The following ZNF568 variants were observed in gnomAD, a reference collection of about 807,000 sequenced individuals.
ZNF568 encodes zinc finger protein 568.
In ZNF568, 11 loss-of-function variants were observed where a neutral mutation model predicts 18.1. The ratio of observed to expected loss-of-function variants is 0.61; its 90% CI spans 0.38 to 1.00. The LOEUF is 1.00. ZNF568 is among the 50% of genes least tolerant of loss of function. The pLI, the probability that ZNF568 is intolerant of heterozygous loss-of-function variation, is 0.01. For synonymous variants in ZNF568, 213 were observed against 246.6 expected (o/e 0.86, Z 1.28); for missense variants, 639 against 768.2 (o/e 0.83, Z 1.99).
intron 4 of ZNF568, among the ~76,000 whole-genome samples, chr19:36,933,916 G>GTTTTTTTTTTTTTTTTTTTTT (rs1243440418): frequency 9.7e-5 from 2 of 20,724 alleles, no homozygotes; most frequent in East Asian, 6.6e-4. Flanking sequence ...TTTTTGTTTT[G>GTTTTTTTTTTTTTTTTTTTTT]TTTTTTTGTT....
intron 4 of ZNF568, among the ~76,000 whole-genome samples, chr19:36,928,593 A>G (rs552662035): frequency 6.6e-6 from 1 of 152,302 alleles, no homozygotes; most frequent in South Asian, 2.1e-4. Flanking sequence ...AAAAAGCAGG[A>G]TGGTGCATTC....
At chr19:36,941,860 T>C (rs1482323224) in intron 6 of ZNF568, among the ~76,000 whole-genome samples, 2 of 152,192 alleles carry the variant, frequency 1.3e-5, no homozygotes, top group African/African-American at 4.8e-5. Context: ...TGTCAGATTA[T>C]AGCAGTGCTG....
chr19:36,949,413 A>G (rs1365187292), intron 6 of ZNF568, 99 bp from the exon 7 acceptor site: 2 of 1,272,358 alleles, frequency 1.6e-6, no homozygotes, highest in Non-Finnish European at 2.1e-6. Context: ...CTAGGCCAAC[A>G]TCAAAGATTA....
chr19:36,927,000 T>C (rs1349024354), intron 4 of ZNF568, among the ~76,000 whole-genome samples: 2 of 152,204 alleles, frequency 1.3e-5, no homozygotes, highest in Non-Finnish European at 2.9e-5. Flanking sequence ...ATATTGTTTG[T>C]CTATTTTGTA....
chr19:36,935,995 T>C (rs1306494417), intron 4 of ZNF568, among the ~76,000 whole-genome samples: 2 of 152,186 alleles, frequency 1.3e-5, no homozygotes, highest in African/African-American at 4.8e-5. Context: ...TGTCTGCCAT[T>C]TTCCTTTTTG....
At chr19:36,956,394 C>T (rs914605803), downstream of ZNF568, among the ~76,000 whole-genome samples, 1 of 152,092 alleles carries the variant, frequency 6.6e-6, no homozygotes, top group African/African-American at 2.4e-5. Flanking sequence ...TCTAGAGCTC[C>T]CCAGGGAACA....
intron 4 of ZNF568, among the ~76,000 whole-genome samples, chr19:36,931,043 A>G (rs1156438591): frequency 6.6e-6 from 1 of 152,112 alleles, no homozygotes; most frequent in Non-Finnish European, 1.5e-5. Flanking sequence ...CAGGTTAACT[A>G]TGTGGGCATC....
chr19:36,991,390 C>A, intron 3 of ZNF568: 1 of 1,399,040 alleles, frequency 7.1e-7, no homozygotes, highest in South Asian at 1.6e-5. Flanking sequence ...CTGAGTTTGT[C>A]CCAAGTGCTT....
intron 2 of ZNF568, among the ~76,000 whole-genome samples, chr19:36,985,204 G>T (rs975092027): frequency 9.2e-5 from 14 of 152,024 alleles, no homozygotes; most frequent in African/African-American, 3.4e-4. Context: ...TCCAGCCATT[G>T]TATGATTTAA....
chr19:36,944,634 C>T (rs1297980598), intron 6 of ZNF568, among the ~76,000 whole-genome samples: 2 of 152,042 alleles, frequency 1.3e-5, no homozygotes, highest in Non-Finnish European at 1.5e-5. Context: ...AGCAGCATGC[C>T]TGCTTCTACT....
At chr19:36,942,739 G>GT (rs1471936822) in intron 6 of ZNF568, among the ~76,000 whole-genome samples, 2 of 150,466 alleles carry the variant, frequency 1.3e-5, no homozygotes, top group Admixed American at 6.6e-5. Context: ...GTTTTGTTTT[G>GT]TTTTTTTGCT....
At chr19:36,977,739 A>G (rs560485441) in intron 7 of ZNF568, among the ~76,000 whole-genome samples, 6 of 152,174 alleles carry the variant, frequency 3.9e-5, no homozygotes, top group Non-Finnish European at 7.3e-5. Flanking sequence ...TTCTCCCTGT[A>G]TCTTCTGTCC....
intron 6 of ZNF568, among the ~76,000 whole-genome samples, chr19:36,971,377 G>A (rs1366615797): frequency 6.6e-6 from 1 of 151,018 alleles, no homozygotes; most frequent in Non-Finnish European, 1.5e-5. Flanking sequence ...TGGTCCAGTA[G>A]TTTGTTTTCT....
intron 4 of ZNF568, among the ~76,000 whole-genome samples, chr19:36,926,225 C>G (rs541770269): frequency 2.0e-5 from 3 of 152,130 alleles, no homozygotes; most frequent in Admixed American, 6.6e-5. Flanking sequence ...TACAAAATTA[C>G]GTATTCTCTG....
At chr19:36,977,719 C>T (rs1251043773) in intron 7 of ZNF568, among the ~76,000 whole-genome samples, 1 of 152,180 alleles carries the variant, frequency 6.6e-6, no homozygotes, top group South Asian at 2.1e-4. Context: ...TTCAACCCTT[C>T]ATTGTCTATT....
At chr19:36,961,080 A>G (rs1449832599) in intron 6 of ZNF568, among the ~76,000 whole-genome samples, 1 of 152,054 alleles carries the variant, frequency 6.6e-6, no homozygotes, top group Non-Finnish European at 1.5e-5. Context: ...TAAAACTCTG[A>G]TTTTTTAAAA....
chr19:36,931,837 G>C (rs2062949046), intron 4 of ZNF568, among the ~76,000 whole-genome samples: 1 of 152,152 alleles, frequency 6.6e-6, no homozygotes, highest in Non-Finnish European at 1.5e-5. Flanking sequence ...ATCAATGTTA[G>C]AACATTTTCA....
At chr19:36,927,921 T>A (rs867188386) in intron 4 of ZNF568, among the ~76,000 whole-genome samples, 1 of 95,494 alleles carries the variant, frequency 1.0e-5, no homozygotes, top group Non-Finnish European at 1.9e-5. Flanking sequence ...TTTTTTTTTT[T>A]TTTTTTTTTT....
chr19:36,986,309 A>G (rs1358511594), intron 2 of ZNF568, among the ~76,000 whole-genome samples: 1 of 152,084 alleles, frequency 6.6e-6, no homozygotes, highest in African/African-American at 2.4e-5. Context: ...TATGGAATTA[A>G]TTAGACCCCC....
Sources: allele counts gnomAD v4.1 joint callset (sites outside exome capture counted in the v4.1 genomes callset), GRCh38; gene constraint gnomAD v4.1.1; transcripts MANE v1.5; gene names NCBI Gene and HGNC (gene_info 2026-07-23, HGNC 2026-07-21).